Variants in EYS observed in about 807,000 individuals in gnomAD.
The protein encoded by EYS is EGF-like photoreceptor maintenance factor.
Under a neutral mutation model 282.1 loss-of-function variants are expected in EYS, and 250 were observed. That is an observed-to-expected ratio of 0.89 (90% CI 0.80 to 0.98). The LOEUF is 0.98. Ranked by LOEUF, EYS falls within the 50% of genes least tolerant of loss-of-function variation. EYS has a pLI of 0.00. For missense variants in EYS, 4,016 were observed against 3,709.0 expected (o/e 1.08, Z -2.15); for synonymous variants, 1,355 against 1,282.9 (o/e 1.06, Z -1.20).
intron 31 of EYS, among the ~76,000 whole-genome samples, chr6:64,145,583 T>C (rs1405252453): frequency 6.6e-6 from 1 of 152,210 alleles, no homozygotes; most frequent in East Asian, 1.9e-4. Flanking sequence ...CTTATCCTCT[T>C]GTTGCATTTC....
intron 9 of EYS, among the ~76,000 whole-genome samples, chr6:65,345,844 G>C (rs1387451795): frequency 6.6e-6 from 1 of 151,396 alleles, no homozygotes; most frequent in East Asian, 1.9e-4. Context: ...TAGCAGAAAG[G>C]CTACAGCCAA....
chr6:63,848,732 G>A (rs1772165147), intron 36 of EYS, among the ~76,000 whole-genome samples: 1 of 152,090 alleles, frequency 6.6e-6, no homozygotes, highest in Non-Finnish European at 1.5e-5. Context: ...CAGGGCCCTG[G>A]GTTCCAAGCA....
intron 22 of EYS, among the ~76,000 whole-genome samples, chr6:64,699,077 C>T (rs1426181126): frequency 3.9e-5 from 6 of 152,050 alleles, no homozygotes; most frequent in Admixed American, 3.9e-4. Context: ...AACTTAAATG[C>T]CCATCAATGA....
intron 36 of EYS, among the ~76,000 whole-genome samples, chr6:63,863,372 T>C (rs1212898707): frequency 6.6e-6 from 1 of 152,194 alleles, no homozygotes; most frequent in African/African-American, 2.4e-5. Flanking sequence ...TCATACTGAA[T>C]TTTCCTAAAG....
intron 31 of EYS, among the ~76,000 whole-genome samples, chr6:64,159,792 C>A (rs1184883513): frequency 4.6e-5 from 7 of 151,880 alleles, no homozygotes; most frequent in Non-Finnish European, 1.0e-4. Flanking sequence ...TGTCTACAAC[C>A]CCATGAATGT....
intron 29 of EYS, among the ~76,000 whole-genome samples, chr6:64,309,942 T>C (rs1312204373): frequency 7.1e-6 from 1 of 140,258 alleles, no homozygotes; most frequent in Non-Finnish European, 1.5e-5. Context: ...TCCAGCCTGG[T>C]GACAGAGCAA....
At chr6:64,012,446 T>C (rs1768682561) in intron 33 of EYS, among the ~76,000 whole-genome samples, 1 of 152,184 alleles carries the variant, frequency 6.6e-6, no homozygotes. Context: ...TAAAGGTACA[T>C]GGCAGAGATG....
chr6:63,844,503 C>T (rs1202101075), intron 36 of EYS, among the ~76,000 whole-genome samples: 1 of 152,198 alleles, frequency 6.6e-6, no homozygotes. Flanking sequence ...TTCTCCACAA[C>T]CTCTCCAGCA....
intron 14 of EYS, among the ~76,000 whole-genome samples, chr6:64,960,135 T>C (rs752245466): frequency 6.6e-6 from 1 of 152,220 alleles, no homozygotes; most frequent in East Asian, 1.9e-4. Context: ...GTTTGACTTG[T>C]GATTTGAAGT....
At chr6:64,898,198 C>A (rs1345518529) in intron 18 of EYS, among the ~76,000 whole-genome samples, 1 of 152,022 alleles carries the variant, frequency 6.6e-6, no homozygotes, top group Non-Finnish European at 1.5e-5. Context: ...TTAAGGGCAG[C>A]CAGAGAGAAA....
chr6:64,083,797 G>A (rs536635853), intron 31 of EYS, among the ~76,000 whole-genome samples: 1 of 152,274 alleles, frequency 6.6e-6, no homozygotes, highest in East Asian at 1.9e-4. Flanking sequence ...GAGTGCAATG[G>A]TGCAATCTTG....
In EYS at chr6:64,038,862, T is replaced by C. The variant is rs893491629; in HGVS notation, c.6725+27476A>G. 5.3e-5 allele frequency among the ~76,000 whole-genome samples: 8 copies of C among 152,170 alleles called. No homozygotes were observed. In the East Asian group the frequency reaches 1.5e-3, roughly 29 times the overall value. ...CTCTGTAGCCCGGGCTGGAGTGCAG[T>C]CGCGCGATCTTGGCTCACTGCAACC... is the stretch of plus-strand genomic sequence containing the variant. On this transcript the variant is annotated intron_variant, in intron 33 of 42. Transcript: ENST00000503581.
At chr6:65,264,847 T>A (rs1360145253) in intron 12 of EYS, among the ~76,000 whole-genome samples, 1 of 151,814 alleles carries the variant, frequency 6.6e-6, no homozygotes, top group Non-Finnish European at 1.5e-5. Context: ...ATATTTGGAA[T>A]GATTTTTACT....
intron 33 of EYS, among the ~76,000 whole-genome samples, chr6:64,029,503 C>T (rs1039025177): frequency 7.2e-5 from 11 of 152,156 alleles, no homozygotes; most frequent in East Asian, 1.9e-4. Flanking sequence ...CTTGAGGGAC[C>T]GGTGTTTCAA....
At chr6:64,844,921 T>C (rs879287842) in intron 19 of EYS, among the ~76,000 whole-genome samples, 48 of 152,190 alleles carry the variant, frequency 3.2e-4, no homozygotes, top group Non-Finnish European at 1.2e-4. Context: ...ATTATAGCCA[T>C]CTACTCATTA....
chr6:63,888,240 C>T lies in EYS; in HGVS notation c.7056-23882G>A, dbSNP rs548060192. On this transcript the variant is annotated intron_variant, in intron 35 of 42. Coordinates refer to ENST00000503581, the MANE Select transcript of EYS (RefSeq NM_001142800.2). ...AGCAGACTTATACATTCCTGCCTGC[C>T]AGCTCTGAAGAGAGTAGCAGATCTC... 2.3e-3 allele frequency among the ~76,000 whole-genome samples: 353 copies of T among 152,346 alleles called. 2 individuals carry two copies. The highest frequency in any genetic ancestry group is 7.7e-3 in the African/African-American group (321 of 41,594).
At chr6:63,907,981 TATATGTACAC>T (rs1773816919) in intron 35 of EYS, among the ~76,000 whole-genome samples, 1 of 125,844 alleles carries the variant, frequency 7.9e-6, no homozygotes, top group African/African-American at 3.2e-5. Flanking sequence ...ATTGACTGTA[TATATGTACAC>T]ACACACACAC....
At chr6:64,897,917 A>G (rs1477533845) in intron 18 of EYS, among the ~76,000 whole-genome samples, 1 of 152,186 alleles carries the variant, frequency 6.6e-6, no homozygotes, top group Non-Finnish European at 1.5e-5. Flanking sequence ...AAAAGAATGA[A>G]AAGGAACAAA....
intron 8 of EYS, among the ~76,000 whole-genome samples, chr6:65,363,870 T>C (rs6921146): frequency 0.67 from 101,313 of 150,740 alleles, 34,100 homozygotes; most frequent in South Asian, 0.71. Flanking sequence ...TATAATCAAA[T>C]TTTACCCCAC....
Sources: allele counts gnomAD v4.1 joint callset (sites outside exome capture counted in the v4.1 genomes callset), GRCh38; gene constraint gnomAD v4.1.1; transcripts MANE v1.5; gene names NCBI Gene and HGNC (gene_info 2026-07-23, HGNC 2026-07-21).